LIPG: variants seen among roughly 807,000 people sequenced by gnomAD.
LIPG encodes the protein lipase G, endothelial type, also known as endothelial lipase.
A neutral mutation model predicts 51.8 loss-of-function variants in LIPG; 34 were observed. That is an observed-to-expected ratio of 0.66 (90% confidence interval 0.50 to 0.87). The LOEUF (loss-of-function observed/expected upper bound fraction) is 0.87, where lower values mean the gene tolerates loss of function less well. Ranked by LOEUF, LIPG falls within the 40% of genes least tolerant of loss-of-function variation. The pLI, the probability that LIPG is intolerant of heterozygous loss-of-function variation, is 0.00. For synonymous variants in LIPG, 246 were observed against 246.1 expected, an observed-to-expected ratio of 1.00 and a Z score of 0.00; for missense variants, 580 against 652.7, an observed-to-expected ratio of 0.89 and a Z score of 1.21.
chr18:49,568,177 G>A (rs943762632), intron 3 of LIPG, among the ~76,000 whole-genome samples: 18 of 152,186 alleles, frequency 1.2e-4, no homozygotes, highest in Admixed American at 2.6e-4. Context: ...CTACAGGCCT[G>A]TGTCACCATG....
chr18:49,578,500 G>A, intron 5 of LIPG, among the ~76,000 whole-genome samples: 1 of 141,916 alleles, frequency 7.0e-6, no homozygotes, highest in Admixed American at 7.0e-5. Context: ...CTTCCTAGAT[G>A]GGATGGCGGC....
At chr18:49,588,595 C>G (rs904426346) in intron 9 of LIPG, among the ~76,000 whole-genome samples, 6 of 152,142 alleles carry the variant, frequency 3.9e-5, no homozygotes, top group African/African-American at 1.4e-4. Context: ...CCACGGTGCC[C>G]AACCCCAATC....
At chr18:49,578,231 C>T (rs1165465352) in intron 5 of LIPG, among the ~76,000 whole-genome samples, 17 of 140,440 alleles carry the variant, frequency 1.2e-4, no homozygotes, top group African/African-American at 2.2e-4. Context: ...TCAGACGGGG[C>T]GGCTGCCGGG....
At chr18:49,584,684 C>T (rs985989954) in intron 8 of LIPG, among the ~76,000 whole-genome samples, 7 of 152,222 alleles carry the variant, frequency 4.6e-5, no homozygotes, top group Non-Finnish European at 8.8e-5. Flanking sequence ...TTGGAGCCCT[C>T]AGCTGAATGA....
At chr18:49,568,215 A>C (rs1196307191) in intron 3 of LIPG, among the ~76,000 whole-genome samples, 5 of 152,016 alleles carry the variant, frequency 3.3e-5, no homozygotes, top group African/African-American at 4.8e-5. Flanking sequence ...TATTTTTAGT[A>C]GAGATGGGAT....
chr18:49,561,556 C>G (rs769753982), upstream of LIPG: 36 of 704,488 alleles, frequency 5.1e-5, no homozygotes, highest in Non-Finnish European at 6.9e-5. Context: ...TTGCGGCCCT[C>G]GCTAGGCGGG....
chr18:49,586,502 AGACAGAAG>A (rs1336469385), intron 8 of LIPG, among the ~76,000 whole-genome samples: 16 of 152,134 alleles, frequency 1.1e-4, no homozygotes, highest in African/African-American at 3.9e-4. Context: ...CCTTTTGGAT[AGACAGAAG>A]GAAGCAGGTG....
In LIPG at chr18:49,586,727, G is replaced by C; in HGVS notation, c.1377-19G>C. 3.8e-6 allele frequency: 6 copies of C among 1,569,184 alleles called. No homozygotes were observed. The highest frequency in any genetic ancestry group is 5.3e-6 in the Non-Finnish European group (6 of 1,139,060). On this transcript the variant is annotated intron_variant, in intron 8 of 9. Transcript: ENST00000261292. ...CCCCTAAAGTTCTGCCTACATCAGT[G>C]GTTTCTTTTCCCTCCTAGACTGACA...
Position 49,569,532 on chromosome 18 carries a change from G to T in LIPG, c.555G>T (p.Thr185=). The T allele has an allele frequency of 1.2e-6, 2 of 1,613,858 alleles. No individual in the cohort carries two copies. The highest frequency in any genetic ancestry group is 1.7e-6 in the Non-Finnish European group (2 of 1,179,854). Residue 185 remains threonine (T), a synonymous_variant, in exon 4 of 10, where the codon ACG becomes ACT. Transcript: ENST00000261292. ...ATGCAGGCAACTTCGTGAAAGGAAC[G>T]GTGGGCCGAATCACAGGTGAGCTCC... is the stretch of plus-strand genomic sequence containing the variant. ...AGYAGNFVKG[T]VGRITGLDPA...
chr18:49,579,326 T>C (rs1213289809), intron 5 of LIPG, among the ~76,000 whole-genome samples: 1 of 151,266 alleles, frequency 6.6e-6, no homozygotes, highest in East Asian at 1.9e-4. Flanking sequence ...CACTTAACAT[T>C]TTTCTTCTTC....
chr18:49,577,993 C>G (rs1421437337), intron 5 of LIPG, among the ~76,000 whole-genome samples: 6 of 140,468 alleles, frequency 4.3e-5, no homozygotes, highest in Admixed American at 6.9e-5. Flanking sequence ...ACCTCCCTCC[C>G]GGACGGCACG....
intron 5 of LIPG, among the ~76,000 whole-genome samples, chr18:49,579,331 T>C (rs1218160244): frequency 6.6e-6 from 1 of 151,470 alleles, no homozygotes; most frequent in Non-Finnish European, 1.5e-5. Flanking sequence ...AACATTTTTC[T>C]TCTTCTTCTC....
intron 1 of LIPG, 92 bp downstream of exon 1, chr18:49,562,497 G>A: frequency 8.6e-7 from 1 of 1,164,772 alleles, no homozygotes. Context: ...TTGTTCCTAT[G>A]AAATTCTTCC....
rs1296377996 is a variant in LIPG, at chr18:49,598,606, T to C, written c.*8084T>C. ...TCTCCTTCTTCTTCTCACAGCTTTT[T>C]ATTGACTTATAACAGGCACACAATA... On this transcript the variant is annotated 3_prime_UTR_variant, in exon 10 of 10. Transcript: ENST00000261292. 1 of 152,344 alleles carries C rather than the reference T, an allele frequency of 6.6e-6. No homozygotes were observed. Among genetic ancestry groups the C allele is most frequent in the African/African-American group, 2.4e-5 (1 of 41,430 alleles). The allele number at this position is 152,344 out of a possible 1,614,324, so 9.4% of individuals were successfully genotyped here. A position where few individuals can be genotyped will look rare whatever the true frequency, so the allele number is the denominator to read the frequency against.
intron 4 of LIPG, among the ~76,000 whole-genome samples, chr18:49,570,554 G>A (rs1036528066): frequency 3.3e-5 from 5 of 152,106 alleles, no homozygotes; most frequent in Non-Finnish European, 7.3e-5. Context: ...ACTCAGGCTG[G>A]GTGTGGTGGC....
At chr18:49,579,822 A>C (rs201112468) in intron 5 of LIPG, among the ~76,000 whole-genome samples, 516 of 51,434 alleles carry the variant, frequency 0.01, 13 homozygotes, top group African/African-American at 0.047. Flanking sequence ...TCTTTTCTTT[A>C]CTTTACTTTT....
intron 9 of LIPG, among the ~76,000 whole-genome samples, chr18:49,587,876 C>G (rs568082145): frequency 6.6e-6 from 1 of 152,092 alleles, no homozygotes; most frequent in Non-Finnish European, 1.5e-5. Flanking sequence ...CAGCCTCGAC[C>G]TCCCCAGGCT....
At chr18:49,588,594 C>T (rs991717996) in intron 9 of LIPG, among the ~76,000 whole-genome samples, 2 of 152,234 alleles carry the variant, frequency 1.3e-5, no homozygotes, top group Admixed American at 6.5e-5. Flanking sequence ...GCCACGGTGC[C>T]CAACCCCAAT....
intron 5 of LIPG, among the ~76,000 whole-genome samples, chr18:49,576,371 T>A (rs1251673292): frequency 6.6e-6 from 1 of 151,736 alleles, no homozygotes; most frequent in Non-Finnish European, 1.5e-5. Flanking sequence ...ATTTTTATTT[T>A]AATTTTTTTC....
Sources: gnomAD v4.1 joint callset for allele counts (sites outside exome capture counted in the v4.1 genomes callset) on GRCh38, gnomAD v4.1.1 for gene constraint, MANE v1.5 for transcripts, NCBI Gene and HGNC (gene_info 2026-07-23, HGNC 2026-07-21) for gene names.